Variants in MYH15 observed in about 807,000 individuals in gnomAD.
MYH15 encodes the protein myosin heavy chain 15, also known as myosin-15.
A neutral mutation model predicts 240.5 loss-of-function variants in MYH15; 227 were observed. That is an observed-to-expected ratio of 0.94 (90% CI 0.85 to 1.05). The LOEUF (loss-of-function observed/expected upper bound fraction) is 1.05. MYH15 is among the 50% of genes least tolerant of loss of function. The pLI, the probability that MYH15 is intolerant of heterozygous loss-of-function variation, is 0.00. For missense variants in MYH15, 2,217 were observed against 2,247.5 expected (o/e 0.99, Z 0.27); for synonymous variants, 785 against 796.7 (o/e 0.99, Z 0.25).
intron 21 of MYH15, among the ~76,000 whole-genome samples, chr3:108,450,664 CT>C (rs150433479): frequency 0.015 from 2,313 of 152,190 alleles, 55 homozygotes; most frequent in African/African-American, 0.049. Flanking sequence ...GTATTGTATA[CT>C]GGAAATTTGC....
intron 36 of MYH15, 136 bp from the exon 37 acceptor site, chr3:108,392,066 C>T (rs974129639): frequency 1.3e-5 from 12 of 947,740 alleles, no homozygotes; most frequent in Non-Finnish European, 1.8e-5. Flanking sequence ...CCATTATAAT[C>T]TCCCTAACCA....
chr3:108,438,584 G>T (rs564841680), intron 24 of MYH15, among the ~76,000 whole-genome samples: 36 of 152,156 alleles, frequency 2.4e-4, no homozygotes, highest in Admixed American at 7.2e-4. Context: ...AAGTGATGAG[G>T]TCATGAAGGT....
At chr3:108,438,275 T>C (rs1447417392) in intron 24 of MYH15, among the ~76,000 whole-genome samples, 1 of 152,204 alleles carries the variant, frequency 6.6e-6, no homozygotes, top group African/African-American at 2.4e-5. Flanking sequence ...GTTCATAACA[T>C]TATGTCATAT....
At chr3:108,464,908 G>A (rs540176974) in intron 14 of MYH15, 94 bp from the exon 15 acceptor site, 4 of 1,086,554 alleles carry the variant, frequency 3.7e-6, no homozygotes, top group Non-Finnish European at 5.2e-6. Flanking sequence ...AACCTAATCA[G>A]TTGACAAAGG....
chr3:108,431,694 C>T (rs559067496), intron 25 of MYH15, among the ~76,000 whole-genome samples: 17 of 152,198 alleles, frequency 1.1e-4, no homozygotes, highest in African/African-American at 3.4e-4. Context: ...AATGTGGAAG[C>T]GACTTTGGAA....
chr3:108,538,618 G>T, the MYH15 span, among the ~76,000 whole-genome samples: 2 of 152,144 alleles, frequency 1.3e-5, no homozygotes, highest in South Asian at 4.1e-4. Context: ...GTGACAGAGA[G>T]AAATGAAAGT....
chr3:108,475,543 C>A (rs1407303967), intron 12 of MYH15, among the ~76,000 whole-genome samples: 1 of 152,154 alleles, frequency 6.6e-6, no homozygotes, highest in Admixed American at 6.5e-5. Context: ...ACTTTCTCTG[C>A]AAATGATCTT....
chr3:108,463,867 G>A (rs1201852431), intron 15 of MYH15, among the ~76,000 whole-genome samples: 1 of 151,934 alleles, frequency 6.6e-6, no homozygotes, highest in Non-Finnish European at 1.5e-5. Flanking sequence ...GCAACAGAGA[G>A]GAAGGAAGGA....
At chr3:108,548,471 T>C in the MYH15 span, among the ~76,000 whole-genome samples, 6 of 152,140 alleles carry the variant, frequency 3.9e-5, no homozygotes, top group Non-Finnish European at 7.4e-5. Flanking sequence ...AACACAGCCA[T>C]GACTAATCAT....
At chr3:108,537,032 GCT>G in the MYH15 span, among the ~76,000 whole-genome samples, 1 of 152,192 alleles carries the variant, frequency 6.6e-6, no homozygotes, top group Non-Finnish European at 1.5e-5. Flanking sequence ...TGTATTTAGT[GCT>G]CTCTCCCTGC....
Position 108,394,607 on chromosome 3 carries a change from A to T in MYH15, c.5134-451T>A, listed in dbSNP as rs185773447. Among the ~76,000 whole-genome samples the T allele has an allele frequency of 5.0e-4, 76 of 152,300 alleles. 1 individual carries two copies. Among genetic ancestry groups the T allele is most frequent in the Non-Finnish European group, 1.2e-4 (8 of 68,012 alleles). ...GCTCCAGAAACAAACAAAAAAAATC[A>T]TTCCTCTTCTTTTTGTACTTCCCTT... On this transcript the variant is annotated intron_variant, in intron 35 of 40. Coordinates refer to ENST00000693548, the MANE Select transcript of MYH15 (RefSeq NM_014981.3).
At chr3:108,466,295 T>G (rs564634047) in intron 14 of MYH15, among the ~76,000 whole-genome samples, 3 of 152,198 alleles carry the variant, frequency 2.0e-5, no homozygotes, top group Non-Finnish European at 4.4e-5. Flanking sequence ...TTTTATTGCA[T>G]TTATATAGCG....
At chr3:108,504,457 G>T (rs1039030820) in intron 2 of MYH15, among the ~76,000 whole-genome samples, 2 of 152,192 alleles carry the variant, frequency 1.3e-5, no homozygotes, top group Non-Finnish European at 2.9e-5. Context: ...TAGTTTATGA[G>T]TGGCTTCCAG....
At chr3:108,492,420 A>G in intron 9 of MYH15, 80 bp downstream of exon 9, 1 of 1,024,464 alleles carries the variant, frequency 9.8e-7, no homozygotes, top group Non-Finnish European at 1.5e-6. Flanking sequence ...AAACTTACCG[A>G]ATAACACTTT....
intron 1 of MYH15, among the ~76,000 whole-genome samples, chr3:108,524,761 T>G (rs964159118): frequency 2.0e-5 from 3 of 152,100 alleles, no homozygotes; most frequent in African/African-American, 7.2e-5. Flanking sequence ...CAGAAGTTTA[T>G]TTCTCTCATG....
chr3:108,530,901 C>T (rs181277234), upstream of MYH15, among the ~76,000 whole-genome samples: 239 of 152,024 alleles, frequency 1.6e-3, no homozygotes, highest in Middle Eastern at 0.01. Flanking sequence ...ATTCAAGAAA[C>T]CATAGGAAAT....
rs1204715538 is a variant in MYH15 at position 108,400,971 on chromosome 3, G to C, written c.4737-1704C>G. Among the ~76,000 whole-genome samples the C allele has an allele frequency of 1.3e-5, 2 of 152,112 alleles. 1 individual carries two copies. Among genetic ancestry groups the C allele is most frequent in the Admixed American group, 1.3e-4 (2 of 15,272 alleles). On this transcript the variant is annotated intron_variant, in intron 33 of 40. Coordinates refer to ENST00000693548, the MANE Select transcript of MYH15 (RefSeq NM_014981.3). ...ATGGAAATGTATAGAAAATAACTCTGTCTGGCTCCAGAGCCCAATGTGAGC... is the reference window on the plus strand; with the variant it reads ...ATGGAAATGTATAGAAAATAACTCTCTCTGGCTCCAGAGCCCAATGTGAGC...
chr3:108,496,827 C>T (rs2107230668), intron 6 of MYH15, among the ~76,000 whole-genome samples: 1 of 148,614 alleles, frequency 6.7e-6, no homozygotes, highest in East Asian at 2.0e-4. Flanking sequence ...CCACAAACAT[C>T]TAAAATGCTT....
At chr3:108,506,757 G>C (rs1236314801) in intron 1 of MYH15, among the ~76,000 whole-genome samples, 1 of 152,154 alleles carries the variant, frequency 6.6e-6, no homozygotes, top group Non-Finnish European at 1.5e-5. Flanking sequence ...ATAAGGCAGG[G>C]CACAGTGGCT....
Sources: allele counts gnomAD v4.1 joint callset (sites outside exome capture counted in the v4.1 genomes callset), GRCh38; gene constraint gnomAD v4.1.1; transcripts MANE v1.5; gene names NCBI Gene and HGNC (gene_info 2026-07-23, HGNC 2026-07-21).